Variants in GAS7 observed in about 807,000 individuals in gnomAD.
GAS7 encodes the protein growth arrest specific 7.
Under a neutral mutation model 71.1 loss-of-function variants are expected in GAS7, and 28 were observed. That is an observed-to-expected ratio of 0.39 (90% CI 0.29 to 0.54). GAS7 has a LOEUF of 0.54. Ranked by LOEUF, GAS7 falls within the 20% of genes least tolerant of loss-of-function variation. The probability of loss-of-function intolerance (pLI) is 0.62; values close to 1 mark genes in which losing one functional copy is unlikely to be tolerated. For missense variants in GAS7, 436 were observed against 627.8 expected, an observed-to-expected ratio of 0.69 and a Z score of 3.27; for synonymous variants, 258 against 245.8, an observed-to-expected ratio of 1.05 and a Z score of -0.46.
intron 1 of GAS7, among the ~76,000 whole-genome samples, chr17:10,057,233 G>A (rs1597757866): frequency 1.3e-5 from 2 of 152,142 alleles, no homozygotes; most frequent in Admixed American, 6.5e-5. Flanking sequence ...AGGAAGTGAG[G>A]AGCGTCTCTG....
chr17:10,198,396 T>C lies in GAS7; in HGVS notation c.-6A>G. On this transcript the variant is annotated 5_prime_UTR_variant, in exon 1 of 14. Transcript: ENST00000432992. ...CGGCAGCGAGCGCCGGACATGGCCTTGGCGCCCGGGTTCACAGCGCAGCCT... is the reference window on the plus strand; with the variant it reads ...CGGCAGCGAGCGCCGGACATGGCCTCGGCGCCCGGGTTCACAGCGCAGCCT... 1 of 1,571,502 alleles carries C rather than the reference T, an allele frequency of 6.4e-7. No homozygotes were observed. Among genetic ancestry groups the C allele is most frequent in the South Asian group, 1.1e-5 (1 of 88,182 alleles).
At chr17:10,188,166 C>T (rs2074470582) in intron 1 of GAS7, among the ~76,000 whole-genome samples, 2 of 151,956 alleles carry the variant, frequency 1.3e-5, no homozygotes, top group South Asian at 4.2e-4. Flanking sequence ...TTACTTGCAC[C>T]CAGGAGACAG....
At chr17:10,111,465 G>A (rs966784343) in intron 1 of GAS7, among the ~76,000 whole-genome samples, 11 of 151,928 alleles carry the variant, frequency 7.2e-5, no homozygotes, top group Admixed American at 2.0e-4. Context: ...CCCGGGAGGC[G>A]GACGTTGCAG....
At chr17:9,986,798 C>T (rs1406579159) in intron 2 of GAS7, among the ~76,000 whole-genome samples, 1 of 152,210 alleles carries the variant, frequency 6.6e-6, no homozygotes, top group Admixed American at 6.5e-5. Flanking sequence ...CTGAAGGATT[C>T]AGCCCAGTCC....
At position 10,062,929 on chromosome 17, in the gene GAS7, G is replaced by A. The variant is rs569840877; in HGVS notation, c.184-43032C>T. ...GTCCTGCACCACGTGAGTGAGGCCT[G>A]CAGTACTTGGGGCAGCCCAGGGGAA... On this transcript the variant is annotated intron_variant, in intron 1 of 13. Transcript: ENST00000432992. 4.6e-5 allele frequency among the ~76,000 whole-genome samples: 7 copies of A among 152,344 alleles called. No individual in the cohort carries two copies. The South Asian group carries it at 1.2e-3, about 27-fold the overall frequency.
intron 1 of GAS7, among the ~76,000 whole-genome samples, chr17:10,108,087 A>T (rs1199026769): frequency 6.6e-6 from 1 of 151,954 alleles, no homozygotes; most frequent in Admixed American, 6.5e-5. Flanking sequence ...TGGGCAAGAG[A>T]ATCACTGTAC....
rs185080254 is a variant in GAS7, at chr17:10,143,603, G to A, written c.183+54605C>T. Among the ~76,000 whole-genome samples, 98 of 151,940 alleles carry A rather than the reference G, an allele frequency of 6.4e-4. 1 individual carries two copies. The highest frequency in any genetic ancestry group is 9.0e-4 in the Non-Finnish European group (61 of 67,986). Reference sequence around the variant, plus strand: ...TAGGTTAAAATGGGGTCATGAGAGTGGTCCTAATCCAACATGCCTGGTGTC... The same window carrying A: ...TAGGTTAAAATGGGGTCATGAGAGTAGTCCTAATCCAACATGCCTGGTGTC... On this transcript the variant is annotated intron_variant, in intron 1 of 13. Transcript: ENST00000432992.
At chr17:10,030,585 G>A (rs1369080201) in intron 1 of GAS7, among the ~76,000 whole-genome samples, 4 of 152,206 alleles carry the variant, frequency 2.6e-5, no homozygotes, top group Non-Finnish European at 5.9e-5. Flanking sequence ...AAATTTGTCG[G>A]AGGTATTACC....
chr17:10,125,335 T>C (rs1037914509), intron 1 of GAS7, among the ~76,000 whole-genome samples: 7 of 151,958 alleles, frequency 4.6e-5, no homozygotes, highest in African/African-American at 1.7e-4. Flanking sequence ...CTGGCCAACA[T>C]GGTGAAACCC....
At chr17:9,950,282 C>T (rs1402836935) in intron 5 of GAS7, among the ~76,000 whole-genome samples, 1 of 151,972 alleles carries the variant, frequency 6.6e-6, no homozygotes, top group African/African-American at 2.4e-5. Context: ...CCAAGGCGGG[C>T]AGATCACTTG....
chr17:10,020,010 C>G, intron 1 of GAS7, 113 bp from the exon 2 acceptor site: 1 of 1,054,102 alleles, frequency 9.5e-7, no homozygotes, highest in Non-Finnish European at 1.4e-6. Context: ...ATTGGGAAGT[C>G]TGCGGCCCAT....
intron 1 of GAS7, among the ~76,000 whole-genome samples, chr17:10,038,050 G>T (rs958136387): frequency 6.6e-5 from 10 of 151,408 alleles, no homozygotes; most frequent in Non-Finnish European, 5.9e-5. Flanking sequence ...ATTAGGACAG[G>T]TTCTTAAAAA....
intron 1 of GAS7, among the ~76,000 whole-genome samples, chr17:10,121,695 T>A (rs1363651238): frequency 6.6e-6 from 1 of 152,150 alleles, no homozygotes; most frequent in African/African-American, 2.4e-5. Context: ...ACGAAACGAT[T>A]TGTTCACCTG....
chr17:10,106,524 T>C (rs1309567185), intron 1 of GAS7, among the ~76,000 whole-genome samples: 4 of 152,236 alleles, frequency 2.6e-5, no homozygotes, highest in African/African-American at 4.8e-5. Flanking sequence ...TCTGAATCTC[T>C]GTACTTTTTC....
chr17:10,026,088 G>GCCACCT lies in GAS7; in HGVS notation c.184-6197_184-6192dup. The GCCACCT allele has an allele frequency of 1.2e-6, 1 of 842,224 alleles. No homozygotes were observed. The highest frequency in any genetic ancestry group is 5.4e-5 in the South Asian group (1 of 18,482). 52.2% of individuals were successfully genotyped at this position (842,224 alleles called of 1,614,324 possible). A position where few individuals can be genotyped will look rare whatever the true frequency, so the allele number is the denominator to read the frequency against. ...CTTCAAGCTCAAGTTCAACCCGGAT[G>GCCACCT]CCACCTCCACCTCCGGGACTCTCTC... On this transcript the variant is annotated intron_variant, in intron 1 of 13. Coordinates refer to ENST00000432992, the MANE Select transcript of GAS7 (RefSeq NM_201433.2). This position sits in a 1 kb window ranked among gnomAD's most constrained non-coding sequence, Gnocchi z 4.5.
rs920107573 is a variant in GAS7 at position 10,027,052 on chromosome 17, G to A, written c.184-7155C>T. Reference sequence around the variant, plus strand: ...TTATGCAGGAGACAGGCTGGACCCCGGCAGAGTCTTCATTTTCTTCTAAAG... The same window carrying A: ...TTATGCAGGAGACAGGCTGGACCCCAGCAGAGTCTTCATTTTCTTCTAAAG... On this transcript the variant is annotated intron_variant, in intron 1 of 13. Transcript: ENST00000432992. 3.9e-5 allele frequency: 6 copies of A among 152,094 alleles called. No individual in the cohort carries two copies. The South Asian group carries it at 6.2e-4, about 16-fold the overall frequency. 9.4% of individuals were successfully genotyped at this position (152,094 alleles called of 1,614,324 possible).
intron 1 of GAS7, among the ~76,000 whole-genome samples, chr17:10,154,207 A>C (rs1318755035): frequency 6.6e-6 from 1 of 151,740 alleles, no homozygotes; most frequent in Non-Finnish European, 1.5e-5. Flanking sequence ...TTAAAAATTC[A>C]CACAGGCCAA....
At position 10,014,582 on chromosome 17, in the gene GAS7, G is replaced by A. The variant is rs28735629; in HGVS notation, c.304+5195C>T. Among the ~76,000 whole-genome samples, 527 of 152,200 alleles carry A rather than the reference G, an allele frequency of 3.5e-3. 4 individuals are homozygous for A. Among genetic ancestry groups the A allele is most frequent in the African/African-American group, 0.012 (506 of 41,506 alleles). ...CTCCTGCCTGGTCTTTACTCATGCT[G>A]TAACCTTGGCTTGGAATGCCTGAGT... On this transcript the variant is annotated intron_variant, in intron 2 of 13. Transcript: ENST00000432992.
At position 9,919,014 on chromosome 17, in the gene GAS7, G is replaced by A. The variant is rs554238354; in HGVS notation, c.1218+612C>T. ...GTGGCTTTAGGCAGTGGGCTGATCCGATGAGCACCTGGCATGATGCCTCCT... is the reference window on the plus strand; with the variant it reads ...GTGGCTTTAGGCAGTGGGCTGATCCAATGAGCACCTGGCATGATGCCTCCT... On this transcript the variant is annotated intron_variant, in intron 12 of 13. Coordinates refer to ENST00000432992, the MANE Select transcript of GAS7 (RefSeq NM_201433.2). This position sits in a 1 kb window ranked among gnomAD's most constrained non-coding sequence, Gnocchi z 5.0. Among the ~76,000 whole-genome samples the A allele has an allele frequency of 3.3e-5, 5 of 152,154 alleles. No individual in the cohort carries two copies. Among genetic ancestry groups the A allele is most frequent in the Non-Finnish European group, 7.4e-5 (5 of 68,018 alleles).
Sources: allele counts gnomAD v4.1 joint callset (sites outside exome capture counted in the v4.1 genomes callset), GRCh38; gene constraint gnomAD v4.1.1; non-coding constraint Gnocchi (gnomAD v3.1); transcripts MANE v1.5; gene names NCBI Gene and HGNC (gene_info 2026-07-23, HGNC 2026-07-21).